SUCO: variants seen among roughly 807,000 people sequenced by gnomAD.
The protein encoded by SUCO is SUN domain containing ossification factor.
Under a neutral mutation model 148.1 loss-of-function variants are expected in SUCO, and 57 were observed. The observed-to-expected ratio is 0.38, with a 90% CI of 0.31 to 0.48. The LOEUF is 0.48. Among genes scored for constraint, SUCO ranks in the 20% least tolerant of loss-of-function variants. The pLI, the probability that SUCO is intolerant of heterozygous loss-of-function variation, is 0.96. For synonymous variants in SUCO, 470 were observed against 502.7 expected, an observed-to-expected ratio of 0.93 and a Z score of 0.87; for missense variants, 1,331 against 1,468.2, an observed-to-expected ratio of 0.91 and a Z score of 1.53.
rs1358812768 is a variant in SUCO at position 172,591,058 on chromosome 1, T to C, written c.2900T>C (p.Ile967Thr). 6.2e-7 allele frequency: 1 copy of C among 1,610,964 alleles called. No homozygotes were observed. Among genetic ancestry groups the C allele is most frequent in the African/African-American group, 1.3e-5 (1 of 74,772 alleles). ...GTGAAACTTCAGAATACTTCAAGAA[T>C]AGCAGAGGAGCAGGTTGGTTTCTAC... ...TIVKLQNTSR[I>T]AEEQDQRQTE... The change falls in exon 19 of 24, where the codon ATA (isoleucine) becomes ACA (threonine). Residue 967 changes from isoleucine to threonine, a missense_variant. Around this residue, in one of 3 missense-constraint regions of SUCO, gnomAD observed 334 missense variants for 352.3 expected, o/e 0.95. Transcript: ENST00000263688.
intron 10 of SUCO, among the ~76,000 whole-genome samples, chr1:172,574,619 G>T (rs1655295487): frequency 6.6e-6 from 1 of 151,706 alleles, no homozygotes. Flanking sequence ...TTTACATCCT[G>T]GAAATACTCT....
intron 15 of SUCO, 130 bp from the exon 16 acceptor site, chr1:172,584,888 G>C: frequency 3.7e-6 from 2 of 544,054 alleles, no homozygotes; most frequent in South Asian, 6.3e-5. Flanking sequence ...CTTTAGTTGT[G>C]AGGTGAATAC....
chr1:172,597,737 A>C (rs1657230174), intron 19 of SUCO, among the ~76,000 whole-genome samples: 1 of 151,672 alleles, frequency 6.6e-6, no homozygotes. Flanking sequence ...GTGTGTTGTC[A>C]CATAATAAAG....
Position 172,555,849 on chromosome 1 carries a change from T to C in SUCO, c.289-20T>C. 1 of 1,570,050 alleles carries C rather than the reference T, an allele frequency of 6.4e-7. No individual in the cohort carries two copies. The highest frequency in any genetic ancestry group is 8.6e-7 in the Non-Finnish European group (1 of 1,156,374). ...TATTAATCTCAACATTTAATTTAGCTGACTTGTTTTTTTAAACAGAATACA... is the reference window on the plus strand; with the variant it reads ...TATTAATCTCAACATTTAATTTAGCCGACTTGTTTTTTTAAACAGAATACA... On this transcript the variant is annotated intron_variant, in intron 3 of 23. Transcript: ENST00000263688.
chr1:172,553,105 GACAA>G (rs1456633222), intron 2 of SUCO, 151 bp from the exon 3 acceptor site: 15 of 449,788 alleles, frequency 3.3e-5, no homozygotes, highest in Non-Finnish European at 4.1e-5. Flanking sequence ...CAAGGAAATA[GACAA>G]TAATCTTGTA....
chr1:172,564,811 A>G (rs1020515355), intron 6 of SUCO, among the ~76,000 whole-genome samples: 25 of 152,192 alleles, frequency 1.6e-4, no homozygotes, highest in African/African-American at 5.3e-4. Flanking sequence ...AACATTTTCT[A>G]TCCATAACAT....
intron 21 of SUCO, 51 bp downstream of exon 21, chr1:172,602,269 A>G: frequency 1.4e-6 from 2 of 1,472,840 alleles, no homozygotes; most frequent in South Asian, 1.3e-5. Context: ...TATGCTTTGT[A>G]TATTTTTGAG....
At chr1:172,566,222 A>G (rs887463679) in intron 6 of SUCO, among the ~76,000 whole-genome samples, 6 of 151,986 alleles carry the variant, frequency 3.9e-5, no homozygotes, top group Non-Finnish European at 2.9e-5. Flanking sequence ...CTGCTTAGTT[A>G]CCTCTCTGGT....
chr1:172,537,376 AT>A, intron 1 of SUCO, among the ~76,000 whole-genome samples: 1 of 152,330 alleles, frequency 6.6e-6, no homozygotes, highest in East Asian at 1.9e-4. Context: ...AGATTATTTT[AT>A]GTCATAGTAT....
Position 172,589,284 on chromosome 1 carries a change from C to G in SUCO, c.2183C>G (p.Thr728Ser), listed in dbSNP as rs1169757940. The G allele has an allele frequency of 3.1e-6, 5 of 1,613,748 alleles. 1 individual carries two copies. The Middle Eastern group carries it at 6.6e-4, about 213-fold the overall frequency. The change falls in exon 18 of 24, where the codon ACT (threonine) becomes AGT (serine). Residue 728 changes from threonine to serine, a missense_variant. Around this residue, in one of 3 missense-constraint regions of SUCO, gnomAD observed 992 missense variants for 1,093.5 expected, o/e 0.91. Transcript: ENST00000263688. ...AVELEPSHSQ[T>S]LSQSLLLDIT... ...GAACTTGAACCAAGCCATTCTCAAACTCTTTCTCAGTCTCTTCTTTTAGAT... is the reference window on the plus strand; with the variant it reads ...GAACTTGAACCAAGCCATTCTCAAAGTCTTTCTCAGTCTCTTCTTTTAGAT...
chr1:172,550,878 A>AT, intron 1 of SUCO: 2 of 977,716 alleles, frequency 2.0e-6, no homozygotes, highest in Non-Finnish European at 2.4e-6. Context: ...AATCAAGTTG[A>AT]TTTTATTATG....
intron 1 of SUCO, among the ~76,000 whole-genome samples, chr1:172,534,557 G>T (rs888438992): frequency 6.6e-6 from 1 of 152,132 alleles, no homozygotes; most frequent in Non-Finnish European, 1.5e-5. Context: ...GAAAACACTC[G>T]CCTGGCTGAG....
chr1:172,577,700 A>C, intron 12 of SUCO, 64 bp from the exon 13 acceptor site: 3 of 1,577,246 alleles, frequency 1.9e-6, no homozygotes, highest in Non-Finnish European at 2.6e-6. Flanking sequence ...AAAACTGAGT[A>C]TATTGTTAGA....
chr1:172,568,305 T>TTGCCC, intron 6 of SUCO: 12 of 905,932 alleles, frequency 1.3e-5, no homozygotes, highest in South Asian at 1.0e-4. Flanking sequence ...ATTCTTTGCT[T>TTGCCC]CCCACCCACC....
In SUCO at chr1:172,599,690, C is replaced by T. The variant is rs139153660; in HGVS notation, c.2914-374C>T. Reference sequence around the variant, plus strand: ...TCAGAAAATTTTCAATTTGTCTTTGCGCCAACTGCTTTGCTTTAAAAACAC... The same window carrying T: ...TCAGAAAATTTTCAATTTGTCTTTGTGCCAACTGCTTTGCTTTAAAAACAC... On this transcript the variant is annotated intron_variant, in intron 19 of 23. Transcript: ENST00000263688. 3.6e-3 allele frequency among the ~76,000 whole-genome samples: 552 copies of T among 152,290 alleles called. 2 individuals carry two copies. Among genetic ancestry groups the T allele is most frequent in the African/African-American group, 0.013 (527 of 41,572 alleles).
At chr1:172,546,628 G>T (rs1652880394) in intron 1 of SUCO, among the ~76,000 whole-genome samples, 1 of 152,150 alleles carries the variant, frequency 6.6e-6, no homozygotes, top group Admixed American at 6.5e-5. Context: ...ACCTGTATAG[G>T]CCAGGCACAG....
chr1:172,572,287 A>G (rs1355768513), intron 9 of SUCO, among the ~76,000 whole-genome samples: 5 of 151,646 alleles, frequency 3.3e-5, no homozygotes, highest in African/African-American at 1.2e-4. Flanking sequence ...GGATTGAGAA[A>G]TCGGATGGTT....
rs553761775 is a variant in SUCO at position 172,590,854 on chromosome 1, A to G, written c.2826-130A>G. On this transcript the variant is annotated intron_variant, in intron 18 of 23. Coordinates refer to ENST00000263688, the MANE Select transcript of SUCO (RefSeq NM_014283.5). ...CAGAAGATAAATAGAATTGTATTGC[A>G]TAGGCCTGAATAAGAGTCACTTTCA... 1.7e-4 allele frequency: 107 copies of G among 628,280 alleles called. No homozygotes were observed. In the African/African-American group the frequency reaches 2.0e-3, roughly 11 times the overall value. The allele number at this position is 628,280 out of a possible 1,614,324, so 38.9% of individuals were successfully genotyped here.
chr1:172,608,307 C>G (rs982502089), intron 22 of SUCO: 1 of 168,210 alleles, frequency 5.9e-6, no homozygotes, highest in Non-Finnish European at 1.2e-5. Flanking sequence ...GTCACGACTA[C>G]TTGTTGCACA....
Sources: gnomAD v4.1 joint callset for allele counts (sites outside exome capture counted in the v4.1 genomes callset) on GRCh38, gnomAD v4.1.1 for gene constraint, gnomAD v4.1.1 regional missense constraint, MANE v1.5 for transcripts, NCBI Gene and HGNC (gene_info 2026-07-23, HGNC 2026-07-21) for gene names.